ARMC9: variants seen among roughly 807,000 people sequenced by gnomAD.
ARMC9 encodes the protein armadillo repeat containing 9.
ARMC9 carries 94 observed loss-of-function variants against 107.0 expected under a neutral mutation model. The observed-to-expected ratio is 0.88, with a 90% CI of 0.74 to 1.04. ARMC9 has a LOEUF of 1.04. Ranked by LOEUF, ARMC9 falls within the 50% of genes least tolerant of loss-of-function variation. ARMC9 has a pLI of 0.00. For synonymous variants in ARMC9, 380 were observed against 396.9 expected (o/e 0.96, Z 0.51); for missense variants, 942 against 1,030.1 (o/e 0.91, Z 1.17).
intron 5 of ARMC9, among the ~76,000 whole-genome samples, chr2:231,218,962 G>T (rs529202535): frequency 1.2e-4 from 18 of 152,126 alleles, no homozygotes; most frequent in African/African-American, 3.4e-4. Flanking sequence ...ATGTTGGCCA[G>T]GCTGGTCTCA....
intron 3 of ARMC9, among the ~76,000 whole-genome samples, chr2:231,214,374 G>T (rs2033255050): frequency 6.6e-6 from 1 of 152,208 alleles, no homozygotes; most frequent in South Asian, 2.1e-4. Context: ...GTGTGTGTGG[G>T]CTCCCAGCCA....
At chr2:231,265,951 T>G (rs1186645839) in intron 12 of ARMC9, among the ~76,000 whole-genome samples, 1 of 150,816 alleles carries the variant, frequency 6.6e-6, no homozygotes, top group African/African-American at 2.4e-5. Flanking sequence ...TAAGCTGAGA[T>G]TGCGCCACTG....
rs191917327 is a variant in ARMC9, at chr2:231,365,857, G to C, written c.2262-4096G>C. The stretch of plus-strand genomic sequence containing the variant: ...TCTGTCACCCAGGCTGGAGTGCAGT[G>C]GCACGATCTTGGCTCACTGCAACCT... On this transcript the variant is annotated intron_variant, in intron 23 of 24. Transcript: ENST00000611582. Among the ~76,000 whole-genome samples the C allele has an allele frequency of 5.6e-3, 849 of 152,182 alleles. 10 individuals are homozygous for C. The highest frequency in any genetic ancestry group is 0.019 in the African/African-American group (799 of 41,522).
intron 21 of ARMC9, among the ~76,000 whole-genome samples, chr2:231,349,017 A>G (rs929719679): frequency 3.3e-5 from 5 of 152,372 alleles, no homozygotes; most frequent in African/African-American, 9.6e-5. Flanking sequence ...TATGGAGAAC[A>G]GTTTGGAGAT....
At chr2:231,209,025 CCTAGTAG>C (rs1428410586) in intron 3 of ARMC9, among the ~76,000 whole-genome samples, 3 of 152,058 alleles carry the variant, frequency 2.0e-5, no homozygotes, top group Non-Finnish European at 4.4e-5. Flanking sequence ...CCTCACCCTC[CCTAGTAG>C]CTAGGATTAC....
chr2:231,267,539 A>G (rs2125424433), intron 12 of ARMC9, among the ~76,000 whole-genome samples: 1 of 152,286 alleles, frequency 6.6e-6, no homozygotes, highest in Non-Finnish European at 1.5e-5. Context: ...CCCGGCAGCA[A>G]TATTTATGCC....
chr2:231,333,127 T>C (rs2043854355), intron 20 of ARMC9, among the ~76,000 whole-genome samples: 3 of 152,118 alleles, frequency 2.0e-5, no homozygotes, highest in Admixed American at 6.5e-5. Context: ...CCCTCATCTC[T>C]TCCTCATCAT....
At chr2:231,220,480 C>T (rs1203175576) in intron 5 of ARMC9, among the ~76,000 whole-genome samples, 1 of 151,730 alleles carries the variant, frequency 6.6e-6, no homozygotes, top group African/African-American at 2.4e-5. Flanking sequence ...GCCTGTAATC[C>T]CAGCTACTCC....
intron 7 of ARMC9, among the ~76,000 whole-genome samples, chr2:231,233,140 C>T (rs1404577449): frequency 2.0e-5 from 3 of 152,148 alleles, no homozygotes; most frequent in Non-Finnish European, 2.9e-5. Context: ...CGTGAGCCAC[C>T]GCACCCAGCT....
chr2:231,283,269 C>T (rs190100674), intron 17 of ARMC9, among the ~76,000 whole-genome samples: 3 of 151,936 alleles, frequency 2.0e-5, no homozygotes, highest in African/African-American at 7.2e-5. Context: ...GCAAATGGGG[C>T]GGAAAAATGA....
At chr2:231,344,511 T>C (rs16827973) in intron 20 of ARMC9, among the ~76,000 whole-genome samples, 4,274 of 152,332 alleles carry the variant, frequency 0.028, 219 homozygotes, top group African/African-American at 0.097. Flanking sequence ...TCCTTAGCTA[T>C]GAAAATGTTA....
intron 2 of ARMC9, among the ~76,000 whole-genome samples, chr2:231,207,735 A>G (rs2032234924): frequency 6.6e-6 from 1 of 152,204 alleles, no homozygotes; most frequent in African/African-American, 2.4e-5. Flanking sequence ...TGGCCTCCCA[A>G]AGTGCTGGGA....
chr2:231,296,280 T>G, intron 19 of ARMC9, 27 bp downstream of exon 19: 1 of 1,591,142 alleles, frequency 6.3e-7, no homozygotes, highest in Non-Finnish European at 8.6e-7. Context: ...TGACACCACA[T>G]AGAAAACCCA....
At chr2:231,290,001 C>G (rs1368863204) in intron 17 of ARMC9, among the ~76,000 whole-genome samples, 1 of 152,246 alleles carries the variant, frequency 6.6e-6, no homozygotes, top group African/African-American at 2.4e-5. Flanking sequence ...AGCCATTGGA[C>G]TAGAGGCTAT....
At chr2:231,327,832 T>G (rs2043433969) in intron 19 of ARMC9, among the ~76,000 whole-genome samples, 1 of 152,202 alleles carries the variant, frequency 6.6e-6, no homozygotes, top group Non-Finnish European at 1.5e-5. Context: ...TCACCCAGGC[T>G]GGAGTGCGGT....
chr2:231,207,066 A>G (rs1333333600), intron 2 of ARMC9, among the ~76,000 whole-genome samples: 2 of 152,228 alleles, frequency 1.3e-5, no homozygotes, highest in Non-Finnish European at 1.5e-5. Flanking sequence ...GTGCAGTGGC[A>G]TCATCATGGT....
intron 21 of ARMC9, among the ~76,000 whole-genome samples, chr2:231,352,080 C>T (rs1210073399): frequency 6.6e-6 from 1 of 152,074 alleles, no homozygotes; most frequent in African/African-American, 2.4e-5. Context: ...CATCCTCCCA[C>T]CTCAGCCTCC....
At chr2:231,344,236 C>T (rs1168976748) in intron 20 of ARMC9, among the ~76,000 whole-genome samples, 2 of 152,200 alleles carry the variant, frequency 1.3e-5, no homozygotes, top group Non-Finnish European at 2.9e-5. Flanking sequence ...AGACTTGTCT[C>T]AAATTTCAAT....
rs1455055967 is a variant in ARMC9, at chr2:231,216,783, A to G, written c.494A>G (p.Glu165Gly). 12 of 1,612,276 alleles carry G rather than the reference A, an allele frequency of 7.4e-6. No individual in the cohort carries two copies. Among genetic ancestry groups the G allele is most frequent in the Non-Finnish European group, 1.0e-5 (12 of 1,179,524 alleles). The part of the protein sequence containing the change: ...PNPMVHPSFK[E>G]LFQDSWTPEL... ...CCTATGGTGCACCCCTCATTTAAAG[A>G]ACTCTTCCAGGTAAATGTCAGCTTT... Residue 165 changes from glutamate (E) to glycine (G), a missense_variant, in exon 5 of 25, where the codon GAA becomes GGA. Glu to Gly is a moderately conservative substitution (Grantham distance 98). Coordinates refer to ENST00000611582, the MANE Select transcript of ARMC9 (RefSeq NM_001352754.2).
Sources: allele counts gnomAD v4.1 joint callset (sites outside exome capture counted in the v4.1 genomes callset), GRCh38; gene constraint gnomAD v4.1.1; transcripts MANE v1.5; gene names NCBI Gene and HGNC (gene_info 2026-07-23, HGNC 2026-07-21).